The following BACH2 variants were observed in gnomAD, a reference collection of about 807,000 sequenced individuals.
BACH2 encodes the protein BACH transcriptional regulator 2.
A neutral mutation model predicts 61.8 loss-of-function variants in BACH2; 5 were observed. The observed-to-expected ratio is 0.08, with a 90% confidence interval of 0.04 to 0.17. BACH2 has a LOEUF of 0.17. Ranked by LOEUF, BACH2 falls within the 10% of genes least tolerant of loss-of-function variation. The pLI, the probability that BACH2 is intolerant of heterozygous loss-of-function variation, is 1.00. For missense variants in BACH2, 824 were observed against 1,091.1 expected, an observed-to-expected ratio of 0.76 and a Z score of 3.45; for synonymous variants, 446 against 440.1, an observed-to-expected ratio of 1.01 and a Z score of -0.17.
rs1342891242 is a variant in BACH2, at chr6:89,938,197, G to A, written c.1990C>T (p.Arg664Cys). ...SKNRIAAQRC[R>C]KRKLDCIQNL... is the part of the protein sequence containing the mutation. ...TGAATACAGTCCAGTTTCCTTTTGC[G>A]GCAGCGCTGGGCCGCGATGCGGTTC... is the stretch of plus-strand genomic sequence containing the variant. Residue 664 changes from arginine (R) to cysteine (C), a missense_variant, in exon 8 of 9, where the codon CGC (arginine) becomes TGC (cysteine). By Grantham distance (180) the Arg-to-Cys change is radical (BLOSUM62 -3). Coordinates refer to ENST00000257749, the MANE Select transcript of BACH2 (RefSeq NM_021813.4). 1 of 1,614,098 alleles carries A rather than the reference G, an allele frequency of 6.2e-7. No homozygotes were observed. The highest frequency in any genetic ancestry group is 8.5e-7 in the Non-Finnish European group (1 of 1,179,982).
intron 6 of BACH2, among the ~76,000 whole-genome samples, chr6:89,960,860 G>A (rs535538653): frequency 1.3e-4 from 20 of 152,326 alleles, no homozygotes; most frequent in South Asian, 4.1e-4. Context: ...TGTGATAGTC[G>A]GCTCAGAATG....
chr6:89,962,655 C>A (rs1051272873), intron 6 of BACH2, among the ~76,000 whole-genome samples: 1 of 152,152 alleles, frequency 6.6e-6, no homozygotes, highest in Non-Finnish European at 1.5e-5. Context: ...TTGTTTTGGA[C>A]ACTTCTAGCC....
At chr6:90,064,951 C>T (rs1780870455) in intron 5 of BACH2, among the ~76,000 whole-genome samples, 1 of 152,078 alleles carries the variant, frequency 6.6e-6, no homozygotes, top group African/African-American at 2.4e-5. Flanking sequence ...GTGCTTGATG[C>T]TGGACACTGG....
intron 5 of BACH2, among the ~76,000 whole-genome samples, chr6:90,027,834 A>G (rs2127786847): frequency 6.6e-6 from 1 of 152,358 alleles, no homozygotes; most frequent in East Asian, 1.9e-4. Context: ...TCCTTGTTTT[A>G]CAGTAAACAC....
intron 5 of BACH2, among the ~76,000 whole-genome samples, chr6:90,030,523 T>A (rs528395160): frequency 6.6e-6 from 1 of 151,838 alleles, no homozygotes; most frequent in South Asian, 2.1e-4. Context: ...AAAGGGGATA[T>A]CACCACCGAT....
chr6:90,248,998 A>T (rs1328133275), intron 3 of BACH2, among the ~76,000 whole-genome samples: 2 of 152,208 alleles, frequency 1.3e-5, no homozygotes, highest in African/African-American at 4.8e-5. Flanking sequence ...TGTTAACAGA[A>T]AATTTAAATA....
At chr6:90,246,453 A>G (rs931444501) in intron 3 of BACH2, among the ~76,000 whole-genome samples, 20 of 152,192 alleles carry the variant, frequency 1.3e-4, no homozygotes, top group African/African-American at 4.3e-4. Flanking sequence ...GATAGGTTTC[A>G]ACAGATTTCC....
At chr6:90,088,408 A>G (rs1782021114) in intron 5 of BACH2, among the ~76,000 whole-genome samples, 1 of 152,178 alleles carries the variant, frequency 6.6e-6, no homozygotes, top group Non-Finnish European at 1.5e-5. Context: ...GCTCTGGGGT[A>G]AAGCTGGCAC....
At chr6:90,150,180 G>A (rs1312438686) in intron 4 of BACH2, among the ~76,000 whole-genome samples, 4 of 152,016 alleles carry the variant, frequency 2.6e-5, no homozygotes, top group Admixed American at 6.6e-5. Context: ...CCCCTGCAGC[G>A]TCTCTCATGC....
intron 6 of BACH2, among the ~76,000 whole-genome samples, chr6:89,983,789 T>C (rs1047601242): frequency 6.6e-5 from 10 of 152,228 alleles, no homozygotes; most frequent in African/African-American, 2.4e-4. Flanking sequence ...CTTAGCGGTA[T>C]TGAAACATGT....
intron 8 of BACH2, among the ~76,000 whole-genome samples, chr6:89,936,070 T>G (rs527492402): frequency 6.6e-6 from 1 of 152,362 alleles, no homozygotes; most frequent in African/African-American, 2.4e-5. Flanking sequence ...TTTAGGGCAA[T>G]AGACATTTTC....
Position 90,020,264 on chromosome 6 carries a change from T to C in BACH2, c.-12-11408A>G, listed in dbSNP as rs1582209265. Among the ~76,000 whole-genome samples the C allele has an allele frequency of 2.6e-5, 4 of 152,294 alleles. No homozygotes were observed. In the South Asian group the frequency reaches 8.3e-4, roughly 32 times the overall value. On this transcript the variant is annotated intron_variant, in intron 5 of 8. Transcript: ENST00000257749. ...TTATCATGGGTGCATTGCTATGGGTTGAATGTTTGTCCCCTATGAAAATCA... is the reference window on the plus strand; with the variant it reads ...TTATCATGGGTGCATTGCTATGGGTCGAATGTTTGTCCCCTATGAAAATCA...
At chr6:90,286,722 T>C (rs1038715656) in intron 1 of BACH2, among the ~76,000 whole-genome samples, 6 of 152,188 alleles carry the variant, frequency 3.9e-5, no homozygotes, top group African/African-American at 1.4e-4. Context: ...TTTCAATTGA[T>C]AGTTTCATTT....
chr6:89,971,395 C>A (rs1374365243), intron 6 of BACH2, among the ~76,000 whole-genome samples: 1 of 152,144 alleles, frequency 6.6e-6, no homozygotes, highest in Admixed American at 6.6e-5. Context: ...TGCATACTGA[C>A]CACTTTGCAT....
chr6:90,296,283 C>G, intron 1 of BACH2, among the ~76,000 whole-genome samples, 197 bp downstream of exon 1: 1 of 151,832 alleles, frequency 6.6e-6, no homozygotes, highest in East Asian at 2.0e-4. Context: ...TCGGCTCCCA[C>G]CCCCTTCCCG....
At chr6:90,254,978 T>C (rs1770930742) in intron 2 of BACH2, among the ~76,000 whole-genome samples, 1 of 152,170 alleles carries the variant, frequency 6.6e-6, no homozygotes, top group Admixed American at 6.5e-5. Flanking sequence ...GTAAATACAG[T>C]GGGTTCTCAA....
chr6:90,280,841 G>C (rs1771838657), intron 1 of BACH2, among the ~76,000 whole-genome samples: 1 of 152,104 alleles, frequency 6.6e-6, no homozygotes, highest in Non-Finnish European at 1.5e-5. Context: ...ATTACAGGGA[G>C]GGACTTGTAT....
chr6:89,975,137 TGA>T (rs1217283268), intron 6 of BACH2, among the ~76,000 whole-genome samples: 96 of 152,340 alleles, frequency 6.3e-4, no homozygotes, highest in Admixed American at 9.1e-4. Context: ...GGCTTCATGA[TGA>T]TGTTTTCTGG....
rs891514950 is a variant in BACH2, at chr6:89,959,914, G to A, written c.244-8052C>T. Among the ~76,000 whole-genome samples, 4 of 152,246 alleles carry A rather than the reference G, an allele frequency of 2.6e-5. No homozygotes were observed. In the Middle Eastern group the frequency reaches 0.01, roughly 388 times the overall value. Reference sequence around the variant, plus strand: ...AGGTGGGTGAGCTCAGAAGGTGGGAGGCATGAAGACGCTGTGGCTCCTTCT... The same window carrying A: ...AGGTGGGTGAGCTCAGAAGGTGGGAAGCATGAAGACGCTGTGGCTCCTTCT... On this transcript the variant is annotated intron_variant, in intron 6 of 8. Coordinates refer to ENST00000257749, the MANE Select transcript of BACH2 (RefSeq NM_021813.4).
Sources: gnomAD v4.1 joint callset for allele counts (sites outside exome capture counted in the v4.1 genomes callset) on GRCh38, gnomAD v4.1.1 for gene constraint, MANE v1.5 for transcripts, NCBI Gene and HGNC (gene_info 2026-07-23, HGNC 2026-07-21) for gene names.